The following PTPRT variants were observed in gnomAD, a reference collection of about 807,000 sequenced individuals.
PTPRT encodes protein tyrosine phosphatase receptor type T.
PTPRT carries 56 observed loss-of-function variants against 176.8 expected under a neutral mutation model. The ratio of observed to expected loss-of-function variants is 0.32; its 90% CI spans 0.26 to 0.40. PTPRT has a LOEUF of 0.40. Ranked by LOEUF, PTPRT falls within the 10% of genes least tolerant of loss-of-function variation. The pLI, the probability that PTPRT is intolerant of heterozygous loss-of-function variation, is 1.00. For synonymous variants in PTPRT, 783 were observed against 739.0 expected (o/e 1.06, Z -0.96); for missense variants, 1,540 against 1,908.2 (o/e 0.81, Z 3.60).
chr20:42,421,458 C>T (rs2059118477), intron 9 of PTPRT, among the ~76,000 whole-genome samples: 1 of 152,092 alleles, frequency 6.6e-6, no homozygotes, highest in South Asian at 2.1e-4. Flanking sequence ...GAGACGTTGA[C>T]AGTCACGACT....
intron 7 of PTPRT, among the ~76,000 whole-genome samples, chr20:42,651,996 C>T (rs1030924277): frequency 1.3e-4 from 19 of 151,214 alleles, no homozygotes; most frequent in Middle Eastern, 3.4e-3. Context: ...TGCAGTGAGC[C>T]GAGATGGTGC....
At chr20:42,771,824 T>C (rs142601899) in intron 4 of PTPRT, among the ~76,000 whole-genome samples, 218 of 152,292 alleles carry the variant, frequency 1.4e-3, no homozygotes, top group Non-Finnish European at 2.5e-3. Context: ...AGGGTTTACG[T>C]CATCATTTGG....
chr20:42,072,522 A>T (rs1982397577), downstream of PTPRT, among the ~76,000 whole-genome samples: 1 of 152,240 alleles, frequency 6.6e-6, no homozygotes, highest in African/African-American at 2.4e-5. Flanking sequence ...CACACTTGAG[A>T]AACACCACTT....
chr20:42,342,636 C>T (rs754889375), intron 11 of PTPRT, among the ~76,000 whole-genome samples: 7 of 152,204 alleles, frequency 4.6e-5, no homozygotes, highest in South Asian at 4.1e-4. Context: ...TCTAAATGTT[C>T]GTTTCTCTTT....
intron 7 of PTPRT, among the ~76,000 whole-genome samples, chr20:42,542,950 C>T (rs1365527472): frequency 1.3e-5 from 2 of 152,152 alleles, no homozygotes; most frequent in Non-Finnish European, 2.9e-5. Flanking sequence ...AATACATGAA[C>T]ATTACTTACT....
chr20:42,749,015 G>A (rs549555082), intron 6 of PTPRT, among the ~76,000 whole-genome samples: 2 of 152,238 alleles, frequency 1.3e-5, no homozygotes, highest in East Asian at 3.9e-4. Context: ...GGGTCTCAAC[G>A]CCATGTGCCT....
intron 7 of PTPRT, among the ~76,000 whole-genome samples, chr20:42,534,448 A>G (rs1426433445): frequency 6.6e-6 from 1 of 152,044 alleles, no homozygotes; most frequent in African/African-American, 2.4e-5. Context: ...CCTGGCTAAC[A>G]TGGTGAAACC....
At chr20:42,301,512 T>C (rs889444798) in intron 12 of PTPRT, among the ~76,000 whole-genome samples, 8 of 152,250 alleles carry the variant, frequency 5.3e-5, no homozygotes, top group South Asian at 4.1e-4. Context: ...ACTGAGACAA[T>C]TGGCAAAACT....
intron 18 of PTPRT, among the ~76,000 whole-genome samples, chr20:42,134,882 C>G (rs952280940): frequency 6.6e-6 from 1 of 152,200 alleles, no homozygotes; most frequent in African/African-American, 2.4e-5. Flanking sequence ...GGTTTGGGAC[C>G]TACTTCTCTC....
chr20:42,100,677 T>C (rs1283049075), intron 26 of PTPRT, among the ~76,000 whole-genome samples: 1 of 152,174 alleles, frequency 6.6e-6, no homozygotes, highest in Non-Finnish European at 1.5e-5. Context: ...ATTGGAAGTA[T>C]GGGCGCACCC....
At chr20:43,159,465 T>A (rs1028706023) in intron 1 of PTPRT, among the ~76,000 whole-genome samples, 6 of 152,240 alleles carry the variant, frequency 3.9e-5, no homozygotes, top group Non-Finnish European at 5.9e-5. Context: ...GCAGGCATCA[T>A]ATCTGCTTCT....
intron 7 of PTPRT, among the ~76,000 whole-genome samples, chr20:42,614,162 T>G (rs1237716846): frequency 1.3e-5 from 2 of 152,088 alleles, no homozygotes; most frequent in South Asian, 4.1e-4. Context: ...TTTCTTGGCT[T>G]GCAGAAGCAT....
chr20:42,044,901 C>A, the PTPRT span, among the ~76,000 whole-genome samples: 12 of 152,144 alleles, frequency 7.9e-5, no homozygotes, highest in South Asian at 1.0e-3. Flanking sequence ...GGGAAGAATC[C>A]ATTTCCTGGC....
At chr20:42,402,259 T>C (rs2058915740) in intron 9 of PTPRT, among the ~76,000 whole-genome samples, 1 of 152,098 alleles carries the variant, frequency 6.6e-6, no homozygotes. Flanking sequence ...GTTAGCCTTA[T>C]ATCTTTCCAG....
chr20:42,104,349 C>T (rs1386290236), intron 25 of PTPRT, among the ~76,000 whole-genome samples: 1 of 152,166 alleles, frequency 6.6e-6, no homozygotes, highest in Non-Finnish European at 1.5e-5. Flanking sequence ...GCTGCTTCTA[C>T]TTTCCACCAC....
At chr20:43,112,279 T>C (rs2012896095) in intron 1 of PTPRT, among the ~76,000 whole-genome samples, 1 of 152,084 alleles carries the variant, frequency 6.6e-6, no homozygotes, top group African/African-American at 2.4e-5. Flanking sequence ...ACCCTAAAAG[T>C]CAAACTCATA....
At chr20:43,128,988 A>G (rs1036113174) in intron 1 of PTPRT, among the ~76,000 whole-genome samples, 3 of 152,224 alleles carry the variant, frequency 2.0e-5, no homozygotes, top group African/African-American at 7.2e-5. Flanking sequence ...GCGTGTGTAT[A>G]TATGTTTTCT....
At chr20:43,152,350 A>C (rs756469055) in intron 1 of PTPRT, among the ~76,000 whole-genome samples, 9 of 152,216 alleles carry the variant, frequency 5.9e-5, no homozygotes, top group Non-Finnish European at 1.2e-4. Context: ...TTACTTGTTT[A>C]AAATAATCTA....
At chr20:42,219,165 G>A (rs910234831) in intron 15 of PTPRT, among the ~76,000 whole-genome samples, 1 of 152,116 alleles carries the variant, frequency 6.6e-6, no homozygotes, top group African/African-American at 2.4e-5. Flanking sequence ...AGAGATGACG[G>A]GTCCCTGCAC....
Sources: allele counts gnomAD v4.1 joint callset (sites outside exome capture counted in the v4.1 genomes callset), GRCh38; gene constraint gnomAD v4.1.1; transcripts MANE v1.5; gene names NCBI Gene and HGNC (gene_info 2026-07-23, HGNC 2026-07-21).